WDFY2: variants seen among roughly 807,000 people sequenced by gnomAD.
The protein encoded by WDFY2 is WD repeat and FYVE domain-containing protein 2.
WDFY2 carries 36 observed loss-of-function variants against 56.4 expected under a neutral mutation model. The observed-to-expected ratio is 0.64, with a 90% CI of 0.49 to 0.84. WDFY2 has a LOEUF of 0.84. Among genes scored for constraint, WDFY2 ranks in the 40% least tolerant of loss-of-function variants. The pLI is 0.00. For synonymous variants in WDFY2, 176 were observed against 183.7 expected (o/e 0.96, Z 0.34); for missense variants, 444 against 512.2 (o/e 0.87, Z 1.29).
intron 1 of WDFY2, among the ~76,000 whole-genome samples, chr13:51,609,062 G>T (rs1267709408): frequency 6.6e-6 from 1 of 152,034 alleles, no homozygotes; most frequent in East Asian, 1.9e-4. Context: ...AGTGAGAGTA[G>T]GGGGAAGTGT....
intron 4 of WDFY2, among the ~76,000 whole-genome samples, chr13:51,707,398 A>G (rs149173123): frequency 2.0e-5 from 3 of 152,310 alleles, no homozygotes; most frequent in Non-Finnish European, 4.4e-5. Flanking sequence ...AGCTCAAGCA[A>G]TCCACCAACC....
chr13:51,616,829 T>C (rs955153824), intron 1 of WDFY2, among the ~76,000 whole-genome samples: 6 of 152,252 alleles, frequency 3.9e-5, no homozygotes, highest in African/African-American at 1.4e-4. Context: ...TTACCATATG[T>C]AAAGCTTTTA....
intron 10 of WDFY2, 133 bp downstream of exon 10, chr13:51,756,595 TA>T (rs1953390367): frequency 2.2e-6 from 3 of 1,388,788 alleles, no homozygotes; most frequent in African/African-American, 2.9e-5. Context: ...CGGCAAGCAG[TA>T]AAAGCTCTCC....
At chr13:51,756,206 G>T in intron 9 of WDFY2, 126 bp from the exon 10 acceptor site, 1 of 1,365,672 alleles carries the variant, frequency 7.3e-7, no homozygotes, top group South Asian at 1.4e-5. Flanking sequence ...TAGTTCTGGG[G>T]CTCTCTTGTT....
intron 5 of WDFY2, among the ~76,000 whole-genome samples, chr13:51,725,124 G>A (rs1473912151): frequency 6.6e-6 from 1 of 151,972 alleles, no homozygotes; most frequent in African/African-American, 2.4e-5. Context: ...TTACTTTTTG[G>A]TTTTTGCACT....
intron 1 of WDFY2, among the ~76,000 whole-genome samples, chr13:51,632,313 T>C (rs1593906581): frequency 1.3e-5 from 2 of 152,152 alleles, no homozygotes; most frequent in South Asian, 4.1e-4. Context: ...AATGAATAAT[T>C]ATATTCTAAA....
chr13:51,602,872 A>G (rs369576457), intron 1 of WDFY2, among the ~76,000 whole-genome samples: 9 of 152,256 alleles, frequency 5.9e-5, no homozygotes, highest in African/African-American at 2.2e-4. Flanking sequence ...TTTTCTCCAA[A>G]TGGGTTCCAT....
intron 3 of WDFY2, among the ~76,000 whole-genome samples, chr13:51,695,792 A>G (rs958805635): frequency 1.3e-5 from 2 of 152,240 alleles, no homozygotes; most frequent in African/African-American, 2.4e-5. Context: ...TGGAGCCTAC[A>G]GAGGCAGGCA....
intron 1 of WDFY2, among the ~76,000 whole-genome samples, chr13:51,628,968 A>G (rs1954895649): frequency 1.3e-5 from 2 of 152,208 alleles, no homozygotes; most frequent in African/African-American, 2.4e-5. Context: ...TAAACTATAC[A>G]TTGACAGATT....
chr13:51,707,164 TG>T, intron 4 of WDFY2, among the ~76,000 whole-genome samples: 1 of 152,312 alleles, frequency 6.6e-6, no homozygotes, highest in East Asian at 1.9e-4. Flanking sequence ...GTTCTTTTTT[TG>T]GGGGGCAGCA....
intron 8 of WDFY2, among the ~76,000 whole-genome samples, chr13:51,753,655 C>G (rs1398182505): frequency 6.6e-6 from 1 of 152,040 alleles, no homozygotes; most frequent in Admixed American, 6.5e-5. Flanking sequence ...ATTTTTTCCC[C>G]TTTATTGGTC....
intron 1 of WDFY2, among the ~76,000 whole-genome samples, chr13:51,657,400 C>T (rs1398926135): frequency 6.6e-6 from 1 of 152,056 alleles, no homozygotes; most frequent in Non-Finnish European, 1.5e-5. Flanking sequence ...CTTCAGGTTA[C>T]CATCTAGTGT....
intron 3 of WDFY2, among the ~76,000 whole-genome samples, chr13:51,676,005 C>A (rs1333784271): frequency 6.6e-6 from 1 of 152,170 alleles, no homozygotes; most frequent in African/African-American, 2.4e-5. Flanking sequence ...GCTTCAGAAC[C>A]TATGAATTAG....
At chr13:51,639,898 A>G (rs1955123705) in intron 1 of WDFY2, among the ~76,000 whole-genome samples, 1 of 152,182 alleles carries the variant, frequency 6.6e-6, no homozygotes, top group African/African-American at 2.4e-5. Flanking sequence ...ATATATATTG[A>G]GAATATTTGA....
At chr13:51,759,002 T>A (rs1334635109) in intron 11 of WDFY2, among the ~76,000 whole-genome samples, 1 of 152,074 alleles carries the variant, frequency 6.6e-6, no homozygotes, top group African/African-American at 2.4e-5. Flanking sequence ...GCCACCATAG[T>A]GTGACCCTGT....
rs535499023 is a variant in WDFY2, at chr13:51,745,555, A to G, written c.726-5755A>G. ...TTGTAAATAGATCAGTAAAAATACT[A>G]AAAGGTGTAGTCCCCTGTAGAATCA... On this transcript the variant is annotated intron_variant, in intron 7 of 11. Transcript: ENST00000298125. Among the ~76,000 whole-genome samples, 8 of 152,160 alleles carry G rather than the reference A, an allele frequency of 5.3e-5. No homozygotes were observed. The South Asian group carries it at 1.5e-3, about 28-fold the overall frequency.
At chr13:51,677,153 G>C (rs1955902497) in intron 3 of WDFY2, among the ~76,000 whole-genome samples, 1 of 152,190 alleles carries the variant, frequency 6.6e-6, no homozygotes, top group African/African-American at 2.4e-5. Flanking sequence ...AAAACTGCCA[G>C]GGAAGCAAAG....
chr13:51,757,164 T>C (rs1335396944), intron 10 of WDFY2, among the ~76,000 whole-genome samples: 1 of 152,190 alleles, frequency 6.6e-6, no homozygotes, highest in Non-Finnish European at 1.5e-5. Context: ...TCATAAGTAG[T>C]CTTATTTATC....
intron 1 of WDFY2, among the ~76,000 whole-genome samples, chr13:51,606,237 T>A (rs1432306374): frequency 6.6e-6 from 1 of 152,256 alleles, no homozygotes; most frequent in African/African-American, 2.4e-5. Context: ...GTATCTCTAA[T>A]TCAAAAATTT....
Sources: gnomAD v4.1 joint callset for allele counts (sites outside exome capture counted in the v4.1 genomes callset) on GRCh38, gnomAD v4.1.1 for gene constraint, MANE v1.5 for transcripts, NCBI Gene and HGNC (gene_info 2026-07-23, HGNC 2026-07-21) for gene names.